Variants in KDR observed in about 807,000 individuals in gnomAD.
KDR encodes the protein kinase insert domain receptor.
A neutral mutation model predicts 160.9 loss-of-function variants in KDR; 43 were observed. The observed-to-expected ratio is 0.27, with a 90% CI of 0.21 to 0.34. The LOEUF (loss-of-function observed/expected upper bound fraction) is 0.34. Among genes scored for constraint, KDR ranks in the 10% least tolerant of loss-of-function variants. The probability of loss-of-function intolerance (pLI) is 1.00; values close to 1 mark genes in which losing one functional copy is unlikely to be tolerated. For synonymous variants in KDR, 617 were observed against 600.1 expected (o/e 1.03, Z -0.41); for missense variants, 1,469 against 1,666.4 (o/e 0.88, Z 2.06).
chr4:55,116,657 C>G (rs1303220173), intron 3 of KDR, among the ~76,000 whole-genome samples: 1 of 152,112 alleles, frequency 6.6e-6, no homozygotes, highest in African/African-American at 2.4e-5. Flanking sequence ...CCACAGGGGA[C>G]AAAGGCAGCT....
At chr4:55,107,510 G>A (rs753415214) in intron 10 of KDR, among the ~76,000 whole-genome samples, 1 of 152,086 alleles carries the variant, frequency 6.6e-6, no homozygotes, top group Non-Finnish European at 1.5e-5. Flanking sequence ...TGTACCTCAC[G>A]GCTAACCTAA....
intron 6 of KDR, among the ~76,000 whole-genome samples, chr4:55,113,847 G>A (rs2065483270): frequency 6.6e-6 from 1 of 152,180 alleles, no homozygotes; most frequent in African/African-American, 2.4e-5. Flanking sequence ...ATGACATAAT[G>A]TGGAAAGATG....
At position 55,079,427 on chromosome 4, in the gene KDR, A is replaced by G; in HGVS notation, c.*514T>C. 3.6e-6 allele frequency: 1 copy of G among 277,526 alleles called. No homozygotes were observed. The highest frequency in any genetic ancestry group is 6.9e-6 in the Non-Finnish European group (1 of 144,128). 17.2% of individuals were successfully genotyped at this position (277,526 alleles called of 1,614,324 possible). A position where few individuals can be genotyped will look rare whatever the true frequency, so the allele number is the denominator to read the frequency against. ...GCTCCAGTACTCTCCAAAGCAAGGTAACGTTAGTCTTCCTTTCTATCAATC... is the reference window on the plus strand; with the variant it reads ...GCTCCAGTACTCTCCAAAGCAAGGTGACGTTAGTCTTCCTTTCTATCAATC... On this transcript the variant is annotated 3_prime_UTR_variant, in exon 30 of 30. Coordinates refer to ENST00000263923, the MANE Select transcript of KDR (RefSeq NM_002253.4).
intron 21 of KDR, 73 bp from the exon 22 acceptor site, chr4:55,092,787 T>G (rs1720052010): frequency 9.3e-7 from 1 of 1,073,772 alleles, no homozygotes; most frequent in Non-Finnish European, 1.4e-6. Context: ...TTTGCTAGAG[T>G]AATAATCTTT....
Position 55,098,175 on chromosome 4 carries a change from G to C in KDR, c.2471C>G (p.Ala824Gly), listed in dbSNP as rs1047652051. The C allele has an allele frequency of 4.3e-6, 7 of 1,613,806 alleles. No individual in the cohort carries two copies. The highest frequency in any genetic ancestry group is 5.9e-6 in the Non-Finnish European group (7 of 1,179,898). ...GTCTCTGGGGAATTCCCATTTGCTG[G>C]CATCATAAGGCAGTCGTTCACAATG... is the stretch of plus-strand genomic sequence containing the variant. The part of the protein sequence containing the change: ...DEHCERLPYD[A>G]SKWEFPRDRL... Residue 824 changes from alanine (A) to glycine (G), a missense_variant, in exon 17 of 30, where the codon GCC becomes GGC. Ala to Gly is a moderately conservative substitution (Grantham distance 60, BLOSUM62 0). Coordinates refer to ENST00000263923, the MANE Select transcript of KDR (RefSeq NM_002253.4).
Position 55,079,223 on chromosome 4 carries a change from G to A in KDR, c.*718C>T, listed in dbSNP as rs1719660972. 1 of 233,344 alleles carries A rather than the reference G, an allele frequency of 4.3e-6. No homozygotes were observed. Among genetic ancestry groups the A allele is most frequent in the South Asian group, 1.8e-4 (1 of 5,532 alleles). The allele number at this position is 233,344 out of a possible 1,614,324, so 14.5% of individuals were successfully genotyped here. On this transcript the variant is annotated 3_prime_UTR_variant, in exon 30 of 30. Coordinates refer to ENST00000263923, the MANE Select transcript of KDR (RefSeq NM_002253.4). ...TTTCCTTCCTGGGGCTTGGCCAGGA[G>A]ACACGTAACGGTCTGGAAGGAACTC...
At chr4:55,082,128 T>C in intron 28 of KDR, 87 bp from the exon 29 acceptor site, 1 of 947,364 alleles carries the variant, frequency 1.1e-6, no homozygotes, top group East Asian at 2.4e-5. Context: ...AACCCATCTA[T>C]CATGTCTATC....
chr4:55,084,170 T>C (rs1263862302), intron 27 of KDR, among the ~76,000 whole-genome samples: 1 of 152,138 alleles, frequency 6.6e-6, no homozygotes, highest in Non-Finnish European at 1.5e-5. Flanking sequence ...ACTGGAATGT[T>C]TGGATTATTA....
intron 18 of KDR, 48 bp from the exon 19 acceptor site, chr4:55,096,390 T>G (rs1467334934): frequency 7.3e-7 from 1 of 1,375,194 alleles, no homozygotes; most frequent in Non-Finnish European, 1.0e-6. Context: ...GACATTTCCT[T>G]CAATAATTGG....
intron 2 of KDR, among the ~76,000 whole-genome samples, chr4:55,120,619 T>C (rs1372291180): frequency 6.6e-6 from 1 of 152,234 alleles, no homozygotes; most frequent in African/African-American, 2.4e-5. Context: ...TATTACTGCC[T>C]AAGTAATTAT....
intron 16 of KDR, 34 bp from the exon 17 acceptor site, chr4:55,098,306 A>T: frequency 6.2e-7 from 1 of 1,612,290 alleles, no homozygotes; most frequent in South Asian, 1.1e-5. Context: ...TCATAAACAC[A>T]CTGTTGTTTG....
intron 2 of KDR, among the ~76,000 whole-genome samples, chr4:55,119,830 A>G (rs531062768): frequency 6.6e-6 from 1 of 152,352 alleles, no homozygotes; most frequent in East Asian, 1.9e-4. Context: ...CAAGGCCCCA[A>G]GGAAGATAAG....
intron 24 of KDR, 47 bp from the exon 25 acceptor site, chr4:55,089,520 A>G: frequency 2.7e-6 from 4 of 1,500,050 alleles, no homozygotes; most frequent in Non-Finnish European, 3.7e-6. Flanking sequence ...ATTTTCTCTT[A>G]TAGAAAACCC....
chr4:55,111,977 C>G (rs567378708), intron 7 of KDR, among the ~76,000 whole-genome samples: 1 of 152,260 alleles, frequency 6.6e-6, no homozygotes, highest in South Asian at 2.1e-4. Flanking sequence ...TAAAATTTCA[C>G]TGTATTGATG....
chr4:55,112,806 A>G (rs1210131764), intron 7 of KDR, among the ~76,000 whole-genome samples: 3 of 152,118 alleles, frequency 2.0e-5, no homozygotes, highest in Non-Finnish European at 4.4e-5. Flanking sequence ...TTGGGATTAC[A>G]GGCGTGAGCC....
rs143901615 is a variant in KDR, at chr4:55,106,752, A to G, written c.1471T>C (p.Phe491Leu). The G allele has an allele frequency of 9.4e-6, 15 of 1,593,626 alleles. No homozygotes were observed. Among genetic ancestry groups the G allele is most frequent in the Non-Finnish European group, 4.3e-6 (5 of 1,161,428 alleles). Residue 491 changes from phenylalanine (F) to leucine (L), a missense_variant, in exon 11 of 30, where the codon TTC (phenylalanine) becomes CTC (leucine). Around this residue, in one of 7 missense-constraint regions of KDR, gnomAD observed 792 missense variants for 840.9 expected, o/e 0.94. Transcript: ENST00000263923. ...ACTTCAATTTTATTTCCTCCCTGGA[A>G]GTCCTCCACACTTCTCCATTCTTCA... ...PCEEWRSVEDFQGGNKIEVNK... is the reference protein window; with the variant it reads ...PCEEWRSVEDLQGGNKIEVNK...
At chr4:55,105,118 T>A in intron 12 of KDR, 134 bp from the exon 13 acceptor site, 1 of 745,182 alleles carries the variant, frequency 1.3e-6, no homozygotes, top group Non-Finnish European at 2.3e-6. Context: ...GTACTACAAC[T>A]TGACAAACAA....
intron 26 of KDR, 54 bp downstream of exon 26, chr4:55,088,814 G>T: frequency 8.1e-7 from 1 of 1,228,930 alleles, no homozygotes; most frequent in Non-Finnish European, 1.2e-6. Flanking sequence ...CAGTAGGAAA[G>T]TCCTTGACAT....
At chr4:55,091,477 AT>A (rs1720017275) in intron 22 of KDR, among the ~76,000 whole-genome samples, 1 of 152,174 alleles carries the variant, frequency 6.6e-6, no homozygotes, top group South Asian at 2.1e-4. Context: ...TAAGTGGCGA[AT>A]TCCGGCCATA....
Sources: gnomAD v4.1 joint callset for allele counts (sites outside exome capture counted in the v4.1 genomes callset) on GRCh38, gnomAD v4.1.1 for gene constraint, gnomAD v4.1.1 regional missense constraint, MANE v1.5 for transcripts, NCBI Gene and HGNC (gene_info 2026-07-23, HGNC 2026-07-21) for gene names.